The following KIF13A variants were observed in gnomAD, a reference collection of about 807,000 sequenced individuals.
KIF13A encodes kinesin family member 13A.
KIF13A carries 79 observed loss-of-function variants against 212.2 expected under a neutral mutation model. That is an observed-to-expected ratio of 0.37 (90% CI 0.31 to 0.45). The LOEUF (loss-of-function observed/expected upper bound fraction) is 0.45. KIF13A is among the 20% of genes least tolerant of loss of function. The pLI, the probability that KIF13A is intolerant of heterozygous loss-of-function variation, is 1.00. For synonymous variants in KIF13A, 789 were observed against 808.6 expected, an observed-to-expected ratio of 0.98 and a Z score of 0.41; for missense variants, 1,901 against 2,209.0, an observed-to-expected ratio of 0.86 and a Z score of 2.79.
rs1213351908 is a variant in KIF13A at position 17,816,470 on chromosome 6, C to T, written c.2000+550G>A. On this transcript the variant is annotated intron_variant, in intron 17 of 38. Coordinates refer to ENST00000259711, the MANE Select transcript of KIF13A (RefSeq NM_022113.6). This position sits in a 1 kb window ranked among gnomAD's most constrained non-coding sequence, Gnocchi z 4.3. ...CTCCCAGTGACCTTATAGGCATGCA[C>T]CACCACGCCTGGGTAATTTTTACTT... Among the ~76,000 whole-genome samples, 1 of 152,000 alleles carries T rather than the reference C, an allele frequency of 6.6e-6. No homozygotes were observed. Among genetic ancestry groups the T allele is most frequent in the East Asian group, 1.9e-4 (1 of 5,170 alleles).
intron 3 of KIF13A, among the ~76,000 whole-genome samples, chr6:17,891,786 T>C (rs551897660): frequency 6.6e-6 from 1 of 152,032 alleles, no homozygotes; most frequent in African/African-American, 2.4e-5. Flanking sequence ...GACACCCAAT[T>C]TGGGGAGAAC....
At chr6:17,864,212 C>T (rs1212719204) in intron 4 of KIF13A, among the ~76,000 whole-genome samples, 1 of 152,172 alleles carries the variant, frequency 6.6e-6, no homozygotes, top group Non-Finnish European at 1.5e-5. Flanking sequence ...GCCAAAAAGG[C>T]GGTGGCCACT....
intron 2 of KIF13A, among the ~76,000 whole-genome samples, chr6:17,933,335 C>G (rs901405672): frequency 6.6e-5 from 10 of 151,998 alleles, no homozygotes. Context: ...TAGCCTCAAC[C>G]TCCTGAGCTC....
At chr6:17,966,831 T>C (rs1369615255) in intron 2 of KIF13A, among the ~76,000 whole-genome samples, 1 of 152,190 alleles carries the variant, frequency 6.6e-6, no homozygotes, top group East Asian at 1.9e-4. Context: ...TTTTTGAGTA[T>C]TTGCTGTAAA....
chr6:17,834,465 T>C lies in KIF13A; in HGVS notation c.1156-394A>G, dbSNP rs1369452742. Reference sequence around the variant, plus strand: ...ATCAATAAATGAATTCCAGTTAAATTAATCTGCTAGAAAAGGTAAAGACTT... The same window carrying C: ...ATCAATAAATGAATTCCAGTTAAATCAATCTGCTAGAAAAGGTAAAGACTT... On this transcript the variant is annotated intron_variant, in intron 11 of 38. Coordinates refer to ENST00000259711, the MANE Select transcript of KIF13A (RefSeq NM_022113.6). The surrounding 1 kb of genome is among the most constrained non-coding windows in gnomAD (Gnocchi z 4.0). 3.3e-5 allele frequency among the ~76,000 whole-genome samples: 5 copies of C among 152,220 alleles called. No homozygotes were observed. The highest frequency in any genetic ancestry group is 7.3e-5 in the Non-Finnish European group (5 of 68,038).
Position 17,832,099 on chromosome 6 carries a change from G to A in KIF13A, c.1267-864C>T, listed in dbSNP as rs184072525. ...GTGTGGGTGTGAACGATATCTATAA[G>A]AAACACATCAGCAGAAGGCTGGACT... On this transcript the variant is annotated intron_variant, in intron 12 of 38. Coordinates refer to ENST00000259711, the MANE Select transcript of KIF13A (RefSeq NM_022113.6). Among the ~76,000 whole-genome samples the A allele has an allele frequency of 8.5e-5, 13 of 152,248 alleles. No individual in the cohort carries two copies. In the East Asian group the frequency reaches 2.3e-3, roughly 27 times the overall value.
chr6:17,831,847 ATATT>A (rs1189179842), intron 12 of KIF13A, among the ~76,000 whole-genome samples: 2 of 151,448 alleles, frequency 1.3e-5, no homozygotes, highest in South Asian at 2.1e-4. Context: ...CATTCAAGAT[ATATT>A]TATTAGAGTC....
At chr6:17,930,637 G>A (rs1438693821) in intron 2 of KIF13A, among the ~76,000 whole-genome samples, 1 of 152,142 alleles carries the variant, frequency 6.6e-6, no homozygotes, top group Non-Finnish European at 1.5e-5. Flanking sequence ...GCCACACTTT[G>A]CCATAACCTT....
At chr6:17,976,963 G>A (rs575892319) in intron 2 of KIF13A, among the ~76,000 whole-genome samples, 2 of 152,020 alleles carry the variant, frequency 1.3e-5, no homozygotes, top group East Asian at 3.9e-4. Context: ...TTAGCTGGGT[G>A]TGGTGGCGGG....
At chr6:17,813,785 G>A (rs1009038244) in intron 17 of KIF13A, among the ~76,000 whole-genome samples, 4 of 151,998 alleles carry the variant, frequency 2.6e-5, no homozygotes, top group Non-Finnish European at 5.9e-5. Flanking sequence ...TGATCCCATC[G>A]CCCAATTTAC....
At chr6:17,868,514 G>A (rs1343615713) in intron 4 of KIF13A, among the ~76,000 whole-genome samples, 1 of 150,892 alleles carries the variant, frequency 6.6e-6, no homozygotes, top group Non-Finnish European at 1.5e-5. Context: ...ATGTAGAAAT[G>A]CCATGCTCCA....
intron 26 of KIF13A, among the ~76,000 whole-genome samples, chr6:17,788,873 C>A (rs568476721): frequency 6.6e-6 from 1 of 152,198 alleles, no homozygotes; most frequent in Non-Finnish European, 1.5e-5. Flanking sequence ...TATAGGCGCG[C>A]GCCACCACGC....
At chr6:17,908,508 G>A (rs1358431034) in intron 2 of KIF13A, among the ~76,000 whole-genome samples, 2 of 152,122 alleles carry the variant, frequency 1.3e-5, no homozygotes, top group Non-Finnish European at 2.9e-5. Context: ...GGAGGCTGAG[G>A]TGGGAGGATC....
intron 2 of KIF13A, among the ~76,000 whole-genome samples, chr6:17,962,425 G>A (rs538404935): frequency 8.3e-4 from 127 of 152,280 alleles, no homozygotes; most frequent in African/African-American, 2.7e-3. Context: ...AGTCATAAGG[G>A]AGACCGTTAA....
In KIF13A at chr6:17,787,637, T is replaced by C; in HGVS notation, c.3361+139A>G. 1 of 621,172 alleles carries C rather than the reference T, an allele frequency of 1.6e-6. No homozygotes were observed. The highest frequency in any genetic ancestry group is 2.7e-5 in the Admixed American group (1 of 36,922). 38.5% of individuals were successfully genotyped at this position (621,172 alleles called of 1,614,324 possible). A position where few individuals can be genotyped will look rare whatever the true frequency, so the allele number is the denominator to read the frequency against. Reference sequence around the variant, plus strand: ...CTGCACTCCAGCTTGGGTGACAGAGTGAGACCCTGTCTTAAAACAACAACA... The same window carrying C: ...CTGCACTCCAGCTTGGGTGACAGAGCGAGACCCTGTCTTAAAACAACAACA... On this transcript the variant is annotated intron_variant, in intron 27 of 38. Transcript: ENST00000259711. This position sits in a 1 kb window ranked among gnomAD's most constrained non-coding sequence, Gnocchi z 4.6.
chr6:17,909,620 T>TA (rs967289386), intron 2 of KIF13A, among the ~76,000 whole-genome samples: 8 of 150,854 alleles, frequency 5.3e-5, no homozygotes, highest in African/African-American at 1.5e-4. Context: ...GGGGACCAGG[T>TA]ATGGTGGCTC....
At chr6:17,945,447 T>G (rs1186589191) in intron 2 of KIF13A, among the ~76,000 whole-genome samples, 2 of 151,992 alleles carry the variant, frequency 1.3e-5, no homozygotes, top group Non-Finnish European at 2.9e-5. Context: ...ACTTGAAAAT[T>G]CAGCATACAT....
At position 17,982,830 on chromosome 6, in the gene KIF13A, C is replaced by T. The variant is rs1481033438; in HGVS notation, c.146+4224G>A. On this transcript the variant is annotated intron_variant, in intron 2 of 38. Transcript: ENST00000259711. This position sits in a 1 kb window ranked among gnomAD's most constrained non-coding sequence, Gnocchi z 5.1. ...TTAAAAACCACCACTACCATTCACA[C>T]TGAATGTAAAAAAGAATGAGTAAGT... Among the ~76,000 whole-genome samples, 45 of 152,146 alleles carry T rather than the reference C, an allele frequency of 3.0e-4. No homozygotes were observed. The highest frequency in any genetic ancestry group is 2.9e-3 in the Admixed American group (45 of 15,280).
intron 2 of KIF13A, among the ~76,000 whole-genome samples, chr6:17,935,408 C>A (rs574923708): frequency 3.6e-4 from 55 of 152,254 alleles, no homozygotes; most frequent in African/African-American, 1.3e-3. Context: ...TGGCCCCCAC[C>A]TGTTGGAGTG....
Sources: gnomAD v4.1 joint callset for allele counts (sites outside exome capture counted in the v4.1 genomes callset) on GRCh38, gnomAD v4.1.1 for gene constraint, Gnocchi (gnomAD v3.1) non-coding constraint, MANE v1.5 for transcripts, NCBI Gene and HGNC (gene_info 2026-07-23, HGNC 2026-07-21) for gene names.